Variants in HS3ST4 observed in about 807,000 individuals in gnomAD.
The protein encoded by HS3ST4 is heparan sulfate glucosamine 3-O-sulfotransferase 4.
HS3ST4 carries 17 observed loss-of-function variants against 29.2 expected under a neutral mutation model. That is an observed-to-expected ratio of 0.58 (90% CI 0.40 to 0.87). The LOEUF is 0.87. Ranked by LOEUF, HS3ST4 falls within the 40% of genes least tolerant of loss-of-function variation. HS3ST4 has a pLI of 0.00. For synonymous variants in HS3ST4, 314 were observed against 285.7 expected, an observed-to-expected ratio of 1.10 and a Z score of -1.00; for missense variants, 627 against 634.5, an observed-to-expected ratio of 0.99 and a Z score of 0.13.
At chr16:25,764,890 G>A (rs975140439) in intron 1 of HS3ST4, among the ~76,000 whole-genome samples, 1 of 152,244 alleles carries the variant, frequency 6.6e-6, no homozygotes, top group Non-Finnish European at 1.5e-5. Context: ...TGAACTTGCT[G>A]TGGTATTATT....
At chr16:25,785,083 A>T (rs2141616993) in intron 1 of HS3ST4, among the ~76,000 whole-genome samples, 1 of 152,352 alleles carries the variant, frequency 6.6e-6, no homozygotes, top group South Asian at 2.1e-4. Context: ...CATTGACAGC[A>T]TATCTGTTTA....
chr16:25,821,159 G>A (rs140934720), intron 1 of HS3ST4, among the ~76,000 whole-genome samples: 7,649 of 149,402 alleles, frequency 0.051, 260 homozygotes, highest in South Asian at 0.12. Flanking sequence ...CCAGGTTCAC[G>A]CCATTCTCCT....
In HS3ST4 at chr16:25,843,490, A is replaced by G. The variant is rs1385260035; in HGVS notation, c.734+150339A>G. ...ACCTGCATCACTTCCACAGTATTCTATCAACCAAATATAAATCCCATGGCC... is the reference window on the plus strand; with the variant it reads ...ACCTGCATCACTTCCACAGTATTCTGTCAACCAAATATAAATCCCATGGCC... On this transcript the variant is annotated intron_variant, in intron 1 of 1. Transcript: ENST00000331351. Among the ~76,000 whole-genome samples, 5 of 152,200 alleles carry G rather than the reference A, an allele frequency of 3.3e-5. No homozygotes were observed. The South Asian group carries it at 8.3e-4, about 25-fold the overall frequency.
chr16:25,878,160 C>T (rs1967852355), intron 1 of HS3ST4, among the ~76,000 whole-genome samples: 1 of 152,164 alleles, frequency 6.6e-6, no homozygotes, highest in Non-Finnish European at 1.5e-5. Context: ...TCAGTTTCTT[C>T]ATTTTAATTA....
Position 25,692,281 on chromosome 16 carries a change from T to C in HS3ST4, c.-137T>C. On this transcript the variant is annotated 5_prime_UTR_variant, in exon 1 of 2. Coordinates refer to ENST00000331351, the MANE Select transcript of HS3ST4 (RefSeq NM_006040.3). ...AGGGCCGGGGGCGCAGCGGCGTCGC[T>C]TCATGCAGCCGGGGCGGCTGGGCAG... is the stretch of plus-strand genomic sequence containing the variant. The C allele has an allele frequency of 6.6e-6, 1 of 152,218 alleles. No homozygotes were observed. Among genetic ancestry groups the C allele is most frequent in the Non-Finnish European group, 1.3e-5 (1 of 74,316 alleles). The allele number at this position is 152,218 out of a possible 1,614,324, so 9.4% of individuals were successfully genotyped here.
At chr16:26,045,154 G>A (rs118162662) in intron 1 of HS3ST4, among the ~76,000 whole-genome samples, 2,007 of 152,214 alleles carry the variant, frequency 0.013, 20 homozygotes, top group Non-Finnish European at 0.022. Flanking sequence ...AGGGTCTACC[G>A]TGGCATTTCT....
chr16:25,961,936 C>T (rs1354886638), intron 1 of HS3ST4, among the ~76,000 whole-genome samples: 1 of 152,132 alleles, frequency 6.6e-6, no homozygotes, highest in African/African-American at 2.4e-5. Flanking sequence ...TTCTCTGAAA[C>T]TGTGAAGAAC....
intron 1 of HS3ST4, among the ~76,000 whole-genome samples, chr16:26,035,401 A>G (rs1969573159): frequency 6.6e-6 from 1 of 152,188 alleles, no homozygotes; most frequent in Admixed American, 6.5e-5. Flanking sequence ...CTGCCTCTAA[A>G]TACTTCCTCC....
At chr16:26,086,688 A>G (rs986988535) in intron 1 of HS3ST4, among the ~76,000 whole-genome samples, 3 of 152,220 alleles carry the variant, frequency 2.0e-5, no homozygotes, top group East Asian at 1.9e-4. Flanking sequence ...AACAATGCCT[A>G]TCACTTAATA....
intron 1 of HS3ST4, among the ~76,000 whole-genome samples, chr16:25,800,836 T>C (rs111695039): frequency 3.5e-4 from 53 of 152,254 alleles, no homozygotes; most frequent in Non-Finnish European, 4.1e-4. Flanking sequence ...CTTCTGCCTT[T>C]TGAGGATGGA....
At chr16:25,773,433 G>T (rs1966844689) in intron 1 of HS3ST4, among the ~76,000 whole-genome samples, 1 of 152,148 alleles carries the variant, frequency 6.6e-6, no homozygotes, top group Non-Finnish European at 1.5e-5. Context: ...TGCCTTGGTT[G>T]TGAATTTGTC....
chr16:25,746,842 C>T (rs894499478), intron 1 of HS3ST4, among the ~76,000 whole-genome samples: 14 of 152,000 alleles, frequency 9.2e-5, no homozygotes, highest in Non-Finnish European at 1.8e-4. Context: ...TGAGCCACTG[C>T]GCCCAGCCCA....
intron 1 of HS3ST4, among the ~76,000 whole-genome samples, chr16:26,134,825 TAA>T (rs1475400700): frequency 6.6e-6 from 1 of 152,170 alleles, no homozygotes; most frequent in Non-Finnish European, 1.5e-5. Context: ...GAATAAGGAG[TAA>T]ATACATTAGG....
intron 1 of HS3ST4, chr16:25,933,278 C>G (rs998897046): frequency 8.7e-6 from 4 of 458,008 alleles, no homozygotes; most frequent in Non-Finnish European, 1.8e-5. Context: ...GATTGGCTGC[C>G]GAGAGGTTTC....
intron 1 of HS3ST4, among the ~76,000 whole-genome samples, chr16:25,833,888 G>A (rs1967331525): frequency 6.6e-6 from 1 of 152,200 alleles, no homozygotes; most frequent in Non-Finnish European, 1.5e-5. Context: ...CCCAGGATAA[G>A]AATGTTGTAG....
At chr16:25,981,846 C>T (rs1294591582) in intron 1 of HS3ST4, among the ~76,000 whole-genome samples, 1 of 152,116 alleles carries the variant, frequency 6.6e-6, no homozygotes, top group Non-Finnish European at 1.5e-5. Context: ...ATGGGAATAA[C>T]AAGAATACCT....
intron 1 of HS3ST4, among the ~76,000 whole-genome samples, chr16:25,905,607 A>G (rs906623283): frequency 2.6e-5 from 4 of 152,210 alleles, no homozygotes; most frequent in African/African-American, 9.6e-5. Context: ...CGTGAAAGAC[A>G]GCACACAGAC....
Position 25,693,027 on chromosome 16 carries a change from G to C in HS3ST4, c.610G>C (p.Gly204Arg). ...EKKLPQALII[G>R]VKKGGTRALL... ...GAAGCTGCCACAGGCGCTCATCATCGGGGTCAAGAAAGGAGGGACCCGCGC... is the reference window on the plus strand; with the variant it reads ...GAAGCTGCCACAGGCGCTCATCATCCGGGTCAAGAAAGGAGGGACCCGCGC... The change falls in exon 1 of 2, where the codon GGG (glycine) becomes CGG (arginine). Residue 204 changes from glycine to arginine, a missense_variant. By Grantham distance (125) the Gly-to-Arg change is moderately radical. Around this residue, in one of 2 missense-constraint regions of HS3ST4, gnomAD observed 402 missense variants for 340.8 expected, o/e 1.18. Coordinates refer to ENST00000331351, the MANE Select transcript of HS3ST4 (RefSeq NM_006040.3). The C allele has an allele frequency of 6.2e-7, 1 of 1,611,404 alleles. No individual in the cohort carries two copies. The highest frequency in any genetic ancestry group is 8.5e-7 in the Non-Finnish European group (1 of 1,179,128).
intron 1 of HS3ST4, among the ~76,000 whole-genome samples, chr16:25,704,150 G>A (rs565034855): frequency 6.6e-6 from 1 of 152,290 alleles, no homozygotes; most frequent in South Asian, 2.1e-4. Flanking sequence ...TTGTATGTAC[G>A]ATACTCCAGG....
Sources: allele counts gnomAD v4.1 joint callset (sites outside exome capture counted in the v4.1 genomes callset), GRCh38; gene constraint gnomAD v4.1.1; regional missense constraint gnomAD v4.1.1; transcripts MANE v1.5; gene names NCBI Gene and HGNC (gene_info 2026-07-23, HGNC 2026-07-21).